Variants in ATP11C observed in about 807,000 individuals in gnomAD.
ATP11C encodes the protein phospholipid-transporting ATPase IG.
Under a neutral mutation model 97.4 loss-of-function variants are expected in ATP11C, and 36 were observed. The ratio of observed to expected loss-of-function variants is 0.37; its 90% CI spans 0.28 to 0.49. The LOEUF (loss-of-function observed/expected upper bound fraction) is 0.49. Ranked by LOEUF, ATP11C falls within the 20% of genes least tolerant of loss-of-function variation. ATP11C has a pLI of 0.98. For synonymous variants in ATP11C, 275 were observed against 290.9 expected, an observed-to-expected ratio of 0.95 and a Z score of 0.56; for missense variants, 730 against 824.6, an observed-to-expected ratio of 0.89 and a Z score of 1.40.
chrX:139,897,119 C>T (rs1198880124), intron 1 of ATP11C, among the ~76,000 whole-genome samples: 2 of 108,916 alleles, frequency 1.8e-5, no homozygotes, highest in Admixed American at 1.0e-4. Context: ...CCCAGCTACT[C>T]GGGAGGCTGA....
chrX:139,859,592 C>T (rs2084148019), intron 1 of ATP11C, among the ~76,000 whole-genome samples: 1 of 111,790 alleles, frequency 8.9e-6, no homozygotes, highest in Admixed American at 9.5e-5. Flanking sequence ...AATATTGCAA[C>T]CTTAATGTGT....
At chrX:139,872,568 T>A (rs1348608983) in intron 1 of ATP11C, among the ~76,000 whole-genome samples, 2 of 104,463 alleles carry the variant, frequency 1.9e-5, no homozygotes, top group Non-Finnish European at 3.8e-5. Context: ...TGTGTCCAAG[T>A]GTTCTCATTG....
intron 1 of ATP11C, among the ~76,000 whole-genome samples, chrX:139,854,453 G>C (rs747994262): frequency 9.1e-6 from 1 of 109,841 alleles, no homozygotes; most frequent in East Asian, 2.8e-4. Context: ...ATCACCTTTA[G>C]GAAAAAAAAG....
intron 3 of ATP11C, 32 bp downstream of exon 3, chrX:139,819,306 A>G: frequency 2.7e-6 from 2 of 731,234 alleles, no homozygotes; most frequent in African/African-American, 4.2e-5. Context: ...TCAAGTTTCT[A>G]AAAGTTAAGT....
intron 1 of ATP11C, among the ~76,000 whole-genome samples, chrX:139,896,147 C>A (rs1344065416): frequency 9.0e-6 from 1 of 111,520 alleles, no homozygotes; most frequent in African/African-American, 3.3e-5. Context: ...GATAACTGTA[C>A]AGTGTGTAAA....
chrX:139,844,230 T>C (rs2083876888), intron 1 of ATP11C, among the ~76,000 whole-genome samples: 1 of 111,916 alleles, frequency 8.9e-6, no homozygotes. Flanking sequence ...TAAAACAAAA[T>C]GCTTGCAAAA....
intron 1 of ATP11C, among the ~76,000 whole-genome samples, chrX:139,912,207 A>T (rs1045052121): frequency 1.8e-5 from 2 of 109,303 alleles, no homozygotes; most frequent in African/African-American, 3.3e-5. Context: ...TTAGCAATAC[A>T]ATATTGAGTA....
chrX:139,827,143 C>T (rs896051691), intron 1 of ATP11C, among the ~76,000 whole-genome samples: 1 of 111,989 alleles, frequency 8.9e-6, no homozygotes, highest in Middle Eastern at 4.2e-3. Context: ...TGAATCTTAA[C>T]CATAACCTTC....
In ATP11C at chrX:139,797,238, T is replaced by C. The variant is rs768413801; in HGVS notation, c.946A>G (p.Thr316Ala). The change falls in exon 11 of 30, where the codon ACC (threonine) becomes GCC (alanine). Residue 316 changes from threonine to alanine, a missense_variant. By Grantham distance (58) the Thr-to-Ala change is moderately conservative. Coordinates refer to ENST00000682941, the MANE Select transcript of ATP11C (RefSeq NM_001353812.2). ...TACCAAGGTTCATCATTGTATGGGG[T>C]ACTTTGCCAAACATACTTTAGAGTA... is the stretch of plus-strand genomic sequence containing the variant. Reference protein sequence around the residue: ...CTTLKYVWQSTPYNDEPWYNQ... With the variant: ...CTTLKYVWQSAPYNDEPWYNQ... 3 of 1,201,112 alleles carry C rather than the reference T, an allele frequency of 2.5e-6. No homozygotes were observed. Among genetic ancestry groups the C allele is most frequent in the African/African-American group, 3.5e-5 (2 of 57,024 alleles).
At chrX:139,836,676 G>T (rs1017802513) in intron 1 of ATP11C, among the ~76,000 whole-genome samples, 1 of 111,593 alleles carries the variant, frequency 9.0e-6, no homozygotes, top group African/African-American at 3.3e-5. Flanking sequence ...CTCCTTCAAG[G>T]TGCTAATTTT....
chrX:139,796,654 T>G (rs991816811), intron 11 of ATP11C, among the ~76,000 whole-genome samples, 184 bp from the exon 12 acceptor site: 2 of 112,320 alleles, frequency 1.8e-5, no homozygotes, highest in Admixed American at 1.9e-4. Flanking sequence ...TGAGAACATT[T>G]AAGAACACTC....
chrX:139,838,947 CAA>C (rs60964664), intron 1 of ATP11C, among the ~76,000 whole-genome samples: 1 of 93,228 alleles, frequency 1.1e-5, no homozygotes, highest in Non-Finnish European at 2.2e-5. Context: ...GATTCTGTCT[CAA>C]AAAAAAAAAA....
intron 2 of ATP11C, among the ~76,000 whole-genome samples, chrX:139,822,400 T>C (rs1165384143): frequency 2.9e-5 from 3 of 102,650 alleles, no homozygotes; most frequent in African/African-American, 1.2e-4. Flanking sequence ...TTGGGTTTTT[T>C]TTGTTTGTTT....
Position 139,803,009 on chromosome X carries a change from TA to T in ATP11C, c.556-671del, listed in dbSNP as rs909701381. 1.3e-4 allele frequency among the ~76,000 whole-genome samples: 14 copies of T among 111,797 alleles called. 1 individual carries two copies. Among genetic ancestry groups the T allele is most frequent in the Non-Finnish European group, 1.7e-4 (9 of 53,251 alleles). ...CACTTATAAATCATCAAACAAGGGT[TA>T]AAGCAGACTCAAAGAGCGCACCACT... On this transcript the variant is annotated intron_variant, in intron 6 of 29. Coordinates refer to ENST00000682941, the MANE Select transcript of ATP11C (RefSeq NM_001353812.2).
At chrX:139,786,012 A>G (rs2082565576) in intron 15 of ATP11C, among the ~76,000 whole-genome samples, 1 of 111,550 alleles carries the variant, frequency 9.0e-6, no homozygotes, top group South Asian at 3.8e-4. Context: ...GGGAATAGTA[A>G]GAGATAAAGC....
chrX:139,761,981 C>T lies in ATP11C; in HGVS notation c.2620G>A (p.Val874Ile). ...CATACCTTATAGAAGAAGTACTGTA[C>T]AAGGTGTGCTATTCTCACATAATAT... Reference protein sequence around the residue: ...HLYYVRIAHLVQYFFYKNLCF... With the variant: ...HLYYVRIAHLIQYFFYKNLCF... Residue 874 changes from valine to isoleucine, a missense_variant, in exon 22 of 30, where the codon GTA (valine) becomes ATA (isoleucine). Physicochemically the swap from Val to Ile is conservative, Grantham distance 29. Transcript: ENST00000682941. 8.4e-7 allele frequency: 1 copy of T among 1,194,715 alleles called. No individual in the cohort carries two copies. Among genetic ancestry groups the T allele is most frequent in the African/African-American group, 1.7e-5 (1 of 57,340 alleles).
At position 139,755,611 on chromosome X, in the gene ATP11C, G is replaced by A. The variant is rs764585920; in HGVS notation, c.2700+2197C>T. On this transcript the variant is annotated intron_variant, in intron 23 of 29. Coordinates refer to ENST00000682941, the MANE Select transcript of ATP11C (RefSeq NM_001353812.2). ...ACTACAGGCTACAGTAACCAAAACC[G>A]CATGGTACTGATACAAAAACAGACC... 1.4e-4 allele frequency among the ~76,000 whole-genome samples: 16 copies of A among 111,526 alleles called. No homozygotes were observed. The South Asian group carries it at 3.0e-3, about 21-fold the overall frequency.
intron 1 of ATP11C, among the ~76,000 whole-genome samples, chrX:139,828,951 C>T (rs2083588640): frequency 8.9e-6 from 1 of 112,480 alleles, no homozygotes; most frequent in Non-Finnish European, 1.9e-5. Context: ...TAATTCCCTA[C>T]ATTTGAATGA....
chrX:139,850,667 C>A (rs1323148045), intron 1 of ATP11C, among the ~76,000 whole-genome samples: 1 of 111,460 alleles, frequency 9.0e-6, no homozygotes, highest in East Asian at 2.8e-4. Context: ...GTAATCCCAG[C>A]ATTTTGGGAG....
Sources: gnomAD v4.1 joint callset for allele counts (sites outside exome capture counted in the v4.1 genomes callset) on GRCh38, gnomAD v4.1.1 for gene constraint, MANE v1.5 for transcripts, NCBI Gene and HGNC (gene_info 2026-07-23, HGNC 2026-07-21) for gene names.